The following FBXW10 variants were observed in gnomAD, a reference collection of about 807,000 sequenced individuals.
FBXW10 encodes F-box/WD repeat-containing protein 10.
Under a neutral mutation model 113.1 loss-of-function variants are expected in FBXW10, and 68 were observed. That is an observed-to-expected ratio of 0.60 (90% CI 0.49 to 0.74). FBXW10 has a LOEUF of 0.74. Among genes scored for constraint, FBXW10 ranks in the 30% least tolerant of loss-of-function variants. FBXW10 has a pLI of 0.00. For missense variants in FBXW10, 753 were observed against 1,284.5 expected (o/e 0.59, Z 6.32); for synonymous variants, 289 against 481.6 (o/e 0.60, Z 5.24).
At chr17:18,752,480 C>T (rs982146270) in intron 5 of FBXW10, among the ~76,000 whole-genome samples, 72 of 152,030 alleles carry the variant, frequency 4.7e-4, no homozygotes, top group Non-Finnish European at 9.6e-4. Context: ...TTTGGGAGGC[C>T]GAGGCGGGCG....
Position 18,775,202 on chromosome 17 carries a change from G to A in FBXW10, c.2335+10G>A. The A allele has an allele frequency of 6.3e-7, 1 of 1,592,322 alleles. No individual in the cohort carries two copies. Among genetic ancestry groups the A allele is most frequent in the Non-Finnish European group, 8.6e-7 (1 of 1,160,152 alleles). ...TCACCCCGAAGAGATGGTAAGAAGAGAGTTTATTCTGTTCATAAGGGAACA... is the reference window on the plus strand; with the variant it reads ...TCACCCCGAAGAGATGGTAAGAAGAAAGTTTATTCTGTTCATAAGGGAACA... On this transcript the variant is annotated intron_variant, in intron 13 of 13. Coordinates refer to ENST00000395665, the MANE Select transcript of FBXW10 (RefSeq NM_001267585.2).
intron 13 of FBXW10, 93 bp downstream of exon 13, chr17:18,775,285 A>G (rs1008447834): frequency 3.8e-6 from 3 of 799,730 alleles, no homozygotes; most frequent in African/African-American, 3.4e-5. Flanking sequence ...AGGAGATAAG[A>G]CAAAAAGTCA....
chr17:18,749,740 C>T lies in FBXW10; in HGVS notation c.689C>T (p.Ser230Leu), dbSNP rs779242805. 5.0e-6 allele frequency: 8 copies of T among 1,614,030 alleles called. No homozygotes were observed. The highest frequency in any genetic ancestry group is 6.8e-6 in the Non-Finnish European group (8 of 1,179,902). Residue 230 changes from serine (S) to leucine (L), a missense_variant, in exon 3 of 14, where the codon TCA becomes TTA. By Grantham distance (145) the Ser-to-Leu change is moderately radical. Transcript: ENST00000395665. ...ACTCTAGAGGAACCATGGAGGAATT[C>T]ACTCCGGTGTATATCCGAAATGAAT... is the stretch of plus-strand genomic sequence containing the variant. ...ASNPEEPWRNSLRCISEMNRL... is the reference protein window; with the variant it reads ...ASNPEEPWRNLLRCISEMNRL...
intron 6 of FBXW10, among the ~76,000 whole-genome samples, chr17:18,758,056 G>GA (rs1227342694): frequency 6.6e-6 from 1 of 152,190 alleles, no homozygotes; most frequent in Non-Finnish European, 1.5e-5. Context: ...TACATTTACA[G>GA]AATTGTTAAA....
intron 8 of FBXW10, among the ~76,000 whole-genome samples, chr17:18,765,848 T>C (rs902375165): frequency 6.6e-6 from 1 of 151,898 alleles, no homozygotes; most frequent in Non-Finnish European, 1.5e-5. Flanking sequence ...TGCCTCAGCC[T>C]CCCGAGTAGC....
chr17:18,744,356 ATCT>A lies in FBXW10; in HGVS notation c.116_118del (p.Phe39del), dbSNP rs2034995437. The A allele has an allele frequency of 6.2e-7, 1 of 1,613,812 alleles. No homozygotes were observed. Among genetic ancestry groups the A allele is most frequent in the Admixed American group, 1.7e-5 (1 of 59,978 alleles). ...TGAGACGTGTGTCTTAGCCTGGAAG[ATCT>A]TCTCTACCAAAGAGTGGTTCTGCAG... On this transcript the variant is annotated inframe_deletion, in exon 1 of 14. Transcript: ENST00000395665.
Position 18,764,237 on chromosome 17 carries a change from C to G in FBXW10, c.1434-505C>G, listed in dbSNP as rs560629578. Among the ~76,000 whole-genome samples, 8 of 141,592 alleles carry G rather than the reference C, an allele frequency of 5.7e-5. No individual in the cohort carries two copies. The East Asian group carries it at 1.6e-3, about 29-fold the overall frequency. The allele number at this position is 141,592 out of a possible 152,430, so 92.9% of individuals were successfully genotyped here. A position where few individuals can be genotyped will look rare whatever the true frequency, so the allele number is the denominator to read the frequency against. ...TTTTTTTTTGAGACAGAGTCTCGCT[C>G]TATTGGCAGGCTGGAGTGCAGTGGC... On this transcript the variant is annotated intron_variant, in intron 7 of 13. Transcript: ENST00000395665.
intron 1 of FBXW10, among the ~76,000 whole-genome samples, chr17:18,746,281 A>G (rs2035036257): frequency 6.6e-6 from 1 of 152,152 alleles, no homozygotes; most frequent in Admixed American, 6.5e-5. Context: ...CAAATATCCA[A>G]ACTGTATCAG....
chr17:18,755,482 G>A (rs1325750642), intron 5 of FBXW10, among the ~76,000 whole-genome samples: 2 of 152,126 alleles, frequency 1.3e-5, no homozygotes, highest in Non-Finnish European at 2.9e-5. Context: ...TTGAACCCAG[G>A]AGGGCGGAGG....
intron 1 of FBXW10, among the ~76,000 whole-genome samples, chr17:18,746,161 G>A (rs186909075): frequency 8.4e-4 from 128 of 152,298 alleles, no homozygotes; most frequent in Non-Finnish European, 1.5e-3. Flanking sequence ...ATTACTGTGG[G>A]AAGGGCACCA....
chr17:18,746,288 T>C (rs1283428203), intron 1 of FBXW10, among the ~76,000 whole-genome samples: 2 of 152,022 alleles, frequency 1.3e-5, no homozygotes, highest in African/African-American at 2.4e-5. Flanking sequence ...CCAAACTGTA[T>C]CAGGAGGCAA....
chr17:18,771,266 T>TTA (rs1404955514), intron 11 of FBXW10, among the ~76,000 whole-genome samples: 1 of 152,202 alleles, frequency 6.6e-6, no homozygotes, highest in Non-Finnish European at 1.5e-5. Context: ...ACAAGTTACT[T>TTA]TTCTAGAGAG....
intron 10 of FBXW10, among the ~76,000 whole-genome samples, 198 bp downstream of exon 10, chr17:18,768,874 T>C (rs11651007): frequency 0.52 from 78,249 of 150,610 alleles, 21,230 homozygotes; most frequent in Non-Finnish European, 0.59. Flanking sequence ...TAACCTCTTC[T>C]ACTCTCCCTT....
chr17:18,745,346 C>T, intron 1 of FBXW10: 7 of 555,486 alleles, frequency 1.3e-5, no homozygotes, highest in Non-Finnish European at 1.6e-5. Context: ...TCCAGCAGGA[C>T]CTGTTAAAAC....
chr17:18,753,673 G>A (rs2035209990), intron 5 of FBXW10, among the ~76,000 whole-genome samples: 1 of 152,136 alleles, frequency 6.6e-6, no homozygotes, highest in Non-Finnish European at 1.5e-5. Context: ...AGGAGTTCAA[G>A]ACCATCCTGG....
chr17:18,745,493 GA>G (rs1399658046), intron 1 of FBXW10: 1 of 152,274 alleles, frequency 6.6e-6, no homozygotes, highest in African/African-American at 2.4e-5. Context: ...TTGGCTCACT[GA>G]AACCTCCACC....
intron 5 of FBXW10, among the ~76,000 whole-genome samples, chr17:18,755,839 T>G (rs938784883): frequency 2.6e-5 from 4 of 152,134 alleles, no homozygotes; most frequent in African/African-American, 9.6e-5. Context: ...AAAGAAGAAT[T>G]AAGAACCTTG....
chr17:18,754,674 A>G (rs2035226504), intron 5 of FBXW10, among the ~76,000 whole-genome samples: 1 of 151,938 alleles, frequency 6.6e-6, no homozygotes, highest in Non-Finnish European at 1.5e-5. Context: ...AGTCTAGTTC[A>G]GTCATCTATG....
intron 5 of FBXW10, among the ~76,000 whole-genome samples, chr17:18,752,844 C>T (rs777149022): frequency 4.6e-5 from 7 of 152,142 alleles, no homozygotes; most frequent in Non-Finnish European, 1.0e-4. Flanking sequence ...TCCCAGCCAG[C>T]TGAGTGAAAG....
Sources: allele counts gnomAD v4.1 joint callset (sites outside exome capture counted in the v4.1 genomes callset), GRCh38; gene constraint gnomAD v4.1.1; transcripts MANE v1.5; gene names NCBI Gene and HGNC (gene_info 2026-07-23, HGNC 2026-07-21).